CDH18: variants seen among roughly 807,000 people sequenced by gnomAD.
CDH18 encodes cadherin-18.
CDH18 carries 31 observed loss-of-function variants against 67.9 expected under a neutral mutation model. The observed-to-expected ratio is 0.46, with a 90% CI of 0.34 to 0.62. The LOEUF is 0.62. Ranked by LOEUF, CDH18 falls within the 20% of genes least tolerant of loss-of-function variation. CDH18 has a pLI of 0.01. For missense variants in CDH18, 890 were observed against 975.5 expected (o/e 0.91, Z 1.17); for synonymous variants, 362 against 347.2 (o/e 1.04, Z -0.48).
At chr5:20,538,021 A>G (rs2126576967) in intron 1 of CDH18, among the ~76,000 whole-genome samples, 1 of 152,294 alleles carries the variant, frequency 6.6e-6, no homozygotes, top group East Asian at 1.9e-4. Flanking sequence ...TTTGCAGCCC[A>G]TTCTATTTTT....
chr5:19,943,595 A>G (rs1024192170), intron 2 of CDH18, among the ~76,000 whole-genome samples: 1 of 152,132 alleles, frequency 6.6e-6, no homozygotes, highest in Non-Finnish European at 1.5e-5. Context: ...AAAACAAACA[A>G]GTTAACCTTT....
At chr5:20,312,280 C>T (rs185365724) in intron 1 of CDH18, among the ~76,000 whole-genome samples, 94 of 152,278 alleles carry the variant, frequency 6.2e-4, no homozygotes, top group African/African-American at 2.3e-3. Context: ...CTAACTTACC[C>T]TGACCCTACC....
intron 2 of CDH18, among the ~76,000 whole-genome samples, chr5:20,214,396 A>C (rs977561197): frequency 6.6e-6 from 1 of 152,114 alleles, no homozygotes; most frequent in African/African-American, 2.4e-5. Context: ...GTCCTACGCA[A>C]AGACAACAGA....
intron 2 of CDH18, among the ~76,000 whole-genome samples, chr5:20,229,583 A>G (rs1741902617): frequency 6.6e-6 from 1 of 152,166 alleles, no homozygotes; most frequent in Non-Finnish European, 1.5e-5. Context: ...ATTTTTAATT[A>G]AAAAAGTAAT....
rs1435006497 is a variant in CDH18 at position 20,488,673 on chromosome 5, T to TTTTATATATATATATA, written c.-580+86788_-580+86789insTATATATATATATAAA. 1.7e-3 allele frequency among the ~76,000 whole-genome samples: 210 copies of TTTTATATATATATATA among 126,924 alleles called. 3 individuals carry two copies. Among genetic ancestry groups the TTTTATATATATATATA allele is most frequent in the Admixed American group, 3.0e-3 (36 of 12,164 alleles). The allele number at this position is 126,924 out of a possible 152,430, so 83.3% of individuals were successfully genotyped here. ...TCTTTTTGGTTGGAGGGGTAGTGTT[T>TTTTATATATATATATA]TATATATATATATATATATATATAT... On this transcript the variant is annotated intron_variant, in intron 1 of 14. Coordinates refer to the CDH18 transcript ENST00000507958.
At chr5:20,117,762 C>T (rs1748039944) in intron 2 of CDH18, among the ~76,000 whole-genome samples, 1 of 152,172 alleles carries the variant, frequency 6.6e-6, no homozygotes, top group Non-Finnish European at 1.5e-5. Context: ...TGCTCTGGAA[C>T]ATGAATCGAA....
chr5:20,402,859 G>C (rs1745886536), intron 1 of CDH18, among the ~76,000 whole-genome samples: 1 of 151,374 alleles, frequency 6.6e-6, no homozygotes, highest in South Asian at 2.1e-4. Context: ...AGTGAGCTGA[G>C]ATTGCACCAC....
intron 10 of CDH18, among the ~76,000 whole-genome samples, chr5:19,507,887 C>G (rs1354876591): frequency 6.6e-6 from 1 of 151,976 alleles, no homozygotes; most frequent in Non-Finnish European, 1.5e-5. Context: ...CACATGTACC[C>G]TAGAACTTAA....
At chr5:19,840,471 G>A (rs1187855273) in intron 2 of CDH18, among the ~76,000 whole-genome samples, 1 of 152,022 alleles carries the variant, frequency 6.6e-6, no homozygotes, top group Non-Finnish European at 1.5e-5. Flanking sequence ...GGAAGGCTGA[G>A]GCAGGCAGAT....
chr5:19,692,467 A>G (rs1436929121), intron 5 of CDH18, among the ~76,000 whole-genome samples: 1 of 152,142 alleles, frequency 6.6e-6, no homozygotes, highest in Non-Finnish European at 1.5e-5. Context: ...AGGATAAAAT[A>G]TTTGCAAATT....
At chr5:20,216,453 A>G (rs1740777896) in intron 2 of CDH18, among the ~76,000 whole-genome samples, 1 of 152,004 alleles carries the variant, frequency 6.6e-6, no homozygotes, top group East Asian at 1.9e-4. Flanking sequence ...CTAAAAATTA[A>G]TCTCCATAAA....
intron 3 of CDH18, among the ~76,000 whole-genome samples, chr5:19,826,549 C>T (rs892287390): frequency 6.6e-6 from 1 of 152,078 alleles, no homozygotes; most frequent in African/African-American, 2.4e-5. Context: ...ATCCTACAGG[C>T]CAGAAGTGAC....
intron 2 of CDH18, among the ~76,000 whole-genome samples, chr5:20,231,899 A>T (rs1742106622): frequency 1.3e-5 from 2 of 152,160 alleles, no homozygotes; most frequent in South Asian, 4.1e-4. Context: ...AATTATAGTA[A>T]TAGTAACTTT....
intron 6 of CDH18, among the ~76,000 whole-genome samples, chr5:19,595,021 T>C (rs1252920409): frequency 2.6e-5 from 4 of 152,080 alleles, no homozygotes; most frequent in Non-Finnish European, 4.4e-5. Flanking sequence ...GATAACATAA[T>C]ATTACATATA....
At chr5:19,678,207 T>C (rs1000587578) in intron 5 of CDH18, among the ~76,000 whole-genome samples, 7 of 150,712 alleles carry the variant, frequency 4.6e-5, no homozygotes, top group African/African-American at 7.3e-5. Flanking sequence ...ATGCTCTATA[T>C]TGATCACACA....
intron 2 of CDH18, among the ~76,000 whole-genome samples, chr5:20,203,879 C>A (rs981729597): frequency 6.6e-6 from 1 of 151,616 alleles, no homozygotes; most frequent in Non-Finnish European, 1.5e-5. Context: ...TCACAGTAGA[C>A]AAGAGTGGAA....
At chr5:19,538,490 G>A (rs1402688306) in intron 9 of CDH18, among the ~76,000 whole-genome samples, 1 of 152,082 alleles carries the variant, frequency 6.6e-6, no homozygotes, top group Non-Finnish European at 1.5e-5. Flanking sequence ...TACTCATAAT[G>A]TCATCTTTAT....
rs115874649 is a variant in CDH18, at chr5:20,541,918, T to C, written c.-580+33544A>G. On this transcript the variant is annotated intron_variant, in intron 1 of 14. Transcript: ENST00000507958. ...TAGCTTTACATCCCTGACGAGGTTATTGAATATCTCAAAGTTCAGGTTTTT... is the reference window on the plus strand; with the variant it reads ...TAGCTTTACATCCCTGACGAGGTTACTGAATATCTCAAAGTTCAGGTTTTT... 3.3e-3 allele frequency among the ~76,000 whole-genome samples: 503 copies of C among 152,300 alleles called. 5 individuals carry two copies. Among genetic ancestry groups the C allele is most frequent in the African/African-American group, 0.012 (484 of 41,584 alleles).
chr5:20,311,769 T>C (rs568715117), intron 1 of CDH18, among the ~76,000 whole-genome samples: 5 of 152,262 alleles, frequency 3.3e-5, no homozygotes, highest in African/African-American at 1.2e-4. Flanking sequence ...TTTCTGTGCA[T>C]GTACCCCAGA....
Sources: gnomAD v4.1 joint callset for allele counts (sites outside exome capture counted in the v4.1 genomes callset) on GRCh38, gnomAD v4.1.1 for gene constraint, MANE v1.5 for transcripts, NCBI Gene and HGNC (gene_info 2026-07-23, HGNC 2026-07-21) for gene names.